ADAMTS6: variants seen among roughly 807,000 people sequenced by gnomAD.
The protein encoded by ADAMTS6 is ADAM metallopeptidase with thrombospondin type 1 motif 6, also known as A disintegrin and metalloproteinase with thrombospondin motifs 6.
In ADAMTS6, 23 loss-of-function variants were observed where a neutral mutation model predicts 144.3. That is an observed-to-expected ratio of 0.16 (90% CI 0.11 to 0.23). The LOEUF (loss-of-function observed/expected upper bound fraction) is 0.23, where lower values mean the gene tolerates loss of function less well. ADAMTS6 is among the 10% of genes least tolerant of loss of function. The pLI is 1.00. For synonymous variants in ADAMTS6, 444 were observed against 457.5 expected, an observed-to-expected ratio of 0.97 and a Z score of 0.38; for missense variants, 999 against 1,379.6, an observed-to-expected ratio of 0.72 and a Z score of 4.37.
At chr5:65,281,208 T>C (rs1481122233) in intron 11 of ADAMTS6, among the ~76,000 whole-genome samples, 1 of 152,202 alleles carries the variant, frequency 6.6e-6, no homozygotes, top group African/African-American at 2.4e-5. Context: ...ATCAGCTCTG[T>C]TCGATATCAA....
intron 3 of ADAMTS6, among the ~76,000 whole-genome samples, chr5:65,462,008 G>A (rs1239833627): frequency 6.6e-6 from 1 of 152,120 alleles, no homozygotes; most frequent in African/African-American, 2.4e-5. Context: ...CATGAAATGA[G>A]CTGAGGAATG....
chr5:65,266,571 T>C (rs1761643565), intron 12 of ADAMTS6, among the ~76,000 whole-genome samples: 1 of 151,968 alleles, frequency 6.6e-6, no homozygotes, highest in Non-Finnish European at 1.5e-5. Flanking sequence ...TGTTACAAAC[T>C]TCAGTTCTAG....
chr5:65,309,285 A>T (rs1034146589), intron 9 of ADAMTS6, among the ~76,000 whole-genome samples: 5 of 151,964 alleles, frequency 3.3e-5, no homozygotes, highest in African/African-American at 1.2e-4. Flanking sequence ...AGACAGTCCC[A>T]TCTAGGGGTG....
chr5:65,284,149 T>A (rs955844450), intron 11 of ADAMTS6, among the ~76,000 whole-genome samples: 2 of 152,086 alleles, frequency 1.3e-5, no homozygotes, highest in Non-Finnish European at 2.9e-5. Context: ...TAACTGAATC[T>A]TTTTTAATTG....
At chr5:65,358,626 A>G (rs893941961) in intron 7 of ADAMTS6, among the ~76,000 whole-genome samples, 4 of 152,142 alleles carry the variant, frequency 2.6e-5, no homozygotes, top group Non-Finnish European at 5.9e-5. Flanking sequence ...CATTCAAAAT[A>G]TACTATAAAG....
At chr5:65,178,481 C>G (rs897195435) in intron 22 of ADAMTS6, among the ~76,000 whole-genome samples, 1 of 152,170 alleles carries the variant, frequency 6.6e-6, no homozygotes, top group Non-Finnish European at 1.5e-5. Flanking sequence ...AAGAAAAACT[C>G]ATGTCGGCCC....
intron 11 of ADAMTS6, 83 bp from the exon 12 acceptor site, chr5:65,273,530 A>G: frequency 8.7e-7 from 1 of 1,147,476 alleles, no homozygotes; most frequent in Non-Finnish European, 1.3e-6. Context: ...GTCACTCTGC[A>G]TTACTTTCAA....
intron 1 of ADAMTS6, among the ~76,000 whole-genome samples, chr5:65,478,479 A>G (rs1760991009): frequency 1.3e-5 from 2 of 152,236 alleles, no homozygotes; most frequent in Non-Finnish European, 2.9e-5. Flanking sequence ...TCTAATCTAT[A>G]AAACCATGAT....
intron 3 of ADAMTS6, among the ~76,000 whole-genome samples, chr5:65,465,833 C>A (rs902714820): frequency 6.6e-6 from 1 of 152,222 alleles, no homozygotes; most frequent in African/African-American, 2.4e-5. Context: ...TCTCTGACCT[C>A]CCTGACCTCT....
chr5:65,424,123 T>C (rs1251318451), intron 7 of ADAMTS6, among the ~76,000 whole-genome samples: 1 of 152,190 alleles, frequency 6.6e-6, no homozygotes, highest in Non-Finnish European at 1.5e-5. Flanking sequence ...TACTTTTTCT[T>C]TTCTTTTTCC....
At chr5:65,438,549 A>T (rs907616934) in intron 7 of ADAMTS6, among the ~76,000 whole-genome samples, 13 of 152,178 alleles carry the variant, frequency 8.5e-5, no homozygotes, top group Non-Finnish European at 1.8e-4. Flanking sequence ...ATACATAAAA[A>T]AATAAGAAAC....
chr5:65,285,734 T>C (rs937268476), intron 11 of ADAMTS6, among the ~76,000 whole-genome samples: 3 of 152,178 alleles, frequency 2.0e-5, no homozygotes, highest in African/African-American at 7.2e-5. Context: ...TGTGTGTGTA[T>C]GTGTCTGTGT....
intron 14 of ADAMTS6, among the ~76,000 whole-genome samples, chr5:65,260,164 G>A (rs1326722948): frequency 1.3e-5 from 2 of 152,140 alleles, no homozygotes; most frequent in African/African-American, 4.8e-5. Flanking sequence ...GTTGGGCAGG[G>A]ATACAAAACA....
At chr5:65,379,007 T>C (rs1751804300) in intron 7 of ADAMTS6, among the ~76,000 whole-genome samples, 1 of 152,158 alleles carries the variant, frequency 6.6e-6, no homozygotes, top group African/African-American at 2.4e-5. Flanking sequence ...AAATCTGTTT[T>C]TAATAACATT....
chr5:65,359,114 G>A (rs985732455), intron 7 of ADAMTS6, among the ~76,000 whole-genome samples: 4 of 152,070 alleles, frequency 2.6e-5, no homozygotes, highest in Admixed American at 6.6e-5. Flanking sequence ...GAAAATATTT[G>A]TAAACCATAT....
At chr5:65,476,612 AT>A (rs778093793) in intron 1 of ADAMTS6, among the ~76,000 whole-genome samples, 170 of 146,336 alleles carry the variant, frequency 1.2e-3, no homozygotes, top group Middle Eastern at 3.5e-3. Flanking sequence ...GTCAAAGAAG[AT>A]TTTTTTTTTT....
chr5:65,477,240 A>G (rs748816221), intron 1 of ADAMTS6, among the ~76,000 whole-genome samples: 10 of 152,148 alleles, frequency 6.6e-5, no homozygotes, highest in Non-Finnish European at 1.2e-4. Flanking sequence ...GAGTGTTTTG[A>G]GTAATAACAT....
intron 7 of ADAMTS6, among the ~76,000 whole-genome samples, chr5:65,354,525 T>G (rs796809): frequency 6.6e-6 from 1 of 151,858 alleles, no homozygotes; most frequent in Non-Finnish European, 1.5e-5. Flanking sequence ...TTTGTTAATA[T>G]GAGTAAATGT....
intron 9 of ADAMTS6, among the ~76,000 whole-genome samples, chr5:65,301,879 A>C: frequency 6.6e-6 from 1 of 151,908 alleles, no homozygotes; most frequent in Middle Eastern, 3.2e-3. Context: ...ACCTGAGGTC[A>C]GGAGCTCGAG....
Sources: gnomAD v4.1 joint callset for allele counts (sites outside exome capture counted in the v4.1 genomes callset) on GRCh38, gnomAD v4.1.1 for gene constraint, MANE v1.5 for transcripts, NCBI Gene and HGNC (gene_info 2026-07-23, HGNC 2026-07-21) for gene names.